The following ATP2B2 variants were observed in gnomAD, a reference collection of about 807,000 sequenced individuals.
ATP2B2 encodes the protein plasma membrane calcium-transporting ATPase 2.
ATP2B2 carries 15 observed loss-of-function variants against 120.0 expected under a neutral mutation model. The observed-to-expected ratio is 0.12, with a 90% CI of 0.08 to 0.19. ATP2B2 has a LOEUF of 0.19. Among genes scored for constraint, ATP2B2 ranks in the 10% least tolerant of loss-of-function variants. The pLI is 1.00. For missense variants in ATP2B2, 1,045 were observed against 1,719.8 expected, an observed-to-expected ratio of 0.61 and a Z score of 6.94; for synonymous variants, 694 against 700.3, an observed-to-expected ratio of 0.99 and a Z score of 0.14.
At chr3:10,692,460 C>T (rs894093468) in intron 1 of ATP2B2, among the ~76,000 whole-genome samples, 3 of 152,166 alleles carry the variant, frequency 2.0e-5, no homozygotes, top group Non-Finnish European at 2.9e-5. Context: ...GGGGACACAT[C>T]GAGGTCACGA....
chr3:10,440,065 G>A (rs1040019542), intron 2 of ATP2B2, among the ~76,000 whole-genome samples: 6 of 122,288 alleles, frequency 4.9e-5, no homozygotes, highest in East Asian at 3.0e-4. Context: ...TCGTGCCACC[G>A]CACTCCAGCC....
At chr3:10,474,077 G>A (rs2065115115) in intron 1 of ATP2B2, among the ~76,000 whole-genome samples, 1 of 152,228 alleles carries the variant, frequency 6.6e-6, no homozygotes, top group Admixed American at 6.5e-5. Flanking sequence ...GGTAGGGACA[G>A]GTCTTGCCTG....
rs1463470395 is a variant in ATP2B2, at chr3:10,340,360, C to T, written c.3130-11G>A. ...CTGCACGATCACTATCTGGAGGTCA[C>T]AGGGGAGCAGAGAAAGAGAGAGAGA... On this transcript the variant is annotated splice_polypyrimidine_tract_variant and intron_variant, in intron 20 of 22. Coordinates refer to ENST00000360273, the MANE Select transcript of ATP2B2 (RefSeq NM_001001331.4). This position sits in a 1 kb window ranked among gnomAD's most constrained non-coding sequence, Gnocchi z 5.0. The T allele has an allele frequency of 6.2e-7, 1 of 1,613,822 alleles. No individual in the cohort carries two copies. The highest frequency in any genetic ancestry group is 2.2e-5 in the East Asian group (1 of 44,882).
At chr3:10,424,661 G>A (rs1269428695) in intron 2 of ATP2B2, among the ~76,000 whole-genome samples, 1 of 152,132 alleles carries the variant, frequency 6.6e-6, no homozygotes, top group Admixed American at 6.5e-5. Flanking sequence ...GAAAGCGAGT[G>A]GGCTAAATAA....
At chr3:10,497,893 T>G (rs919604699) in intron 1 of ATP2B2, among the ~76,000 whole-genome samples, 9 of 152,190 alleles carry the variant, frequency 5.9e-5, no homozygotes, top group Non-Finnish European at 1.0e-4. Flanking sequence ...AAGGACCCAG[T>G]GAGGGACTCA....
At chr3:10,338,524 G>GCCTTTTTTTTTTTTTTTTTTTTT (rs1444514191) in intron 21 of ATP2B2, among the ~76,000 whole-genome samples, 166 bp from the exon 22 acceptor site, 5 of 119,490 alleles carry the variant, frequency 4.2e-5, no homozygotes, top group Admixed American at 8.8e-5. Context: ...CTTTGACAAT[G>GCCTTTTTTTTTTTTTTTTTTTTT]TCTTTTTTTT....
intron 1 of ATP2B2, among the ~76,000 whole-genome samples, chr3:10,468,030 A>T (rs73119419): frequency 0.11 from 16,225 of 152,168 alleles, 1,517 homozygotes; most frequent in African/African-American, 0.25. Context: ...TGTGCACATG[A>T]CCTCGACACT....
In ATP2B2 at chr3:10,378,256, C is replaced by T; in HGVS notation, c.1197G>A (p.Lys399=). Residue 399 remains lysine, a synonymous_variant, in exon 10 of 23, where the codon AAG becomes AAA. Coordinates refer to ENST00000360273, the MANE Select transcript of ATP2B2 (RefSeq NM_001001331.4). ...CCTCCCACCTGCTGCACTCACCCGC[C>T]TTCCCGATCTGCACAGCCAGCTTGG... ...KLTKLAVQIG[K]AGLVMSAITV... is the part of the protein sequence containing the mutation. The T allele has an allele frequency of 6.2e-7, 1 of 1,606,882 alleles. No homozygotes were observed. The highest frequency in any genetic ancestry group is 1.1e-5 in the South Asian group (1 of 91,050).
intron 1 of ATP2B2, among the ~76,000 whole-genome samples, chr3:10,488,463 A>ATTCATTCCTTCC (rs1398194870): frequency 0.014 from 1,346 of 95,676 alleles, 27 homozygotes; most frequent in Middle Eastern, 0.06. Context: ...CACCCTACAA[A>ATTCATTCCTTCC]TTCCTTCCTT....
intron 2 of ATP2B2, among the ~76,000 whole-genome samples, chr3:10,605,635 T>C (rs2069041877): frequency 7.4e-6 from 1 of 135,912 alleles, no homozygotes; most frequent in African/African-American, 2.8e-5. Context: ...GCCAACACAC[T>C]GGGACCCTAT....
At chr3:10,389,619 G>C (rs2061786890) in intron 5 of ATP2B2, among the ~76,000 whole-genome samples, 1 of 152,192 alleles carries the variant, frequency 6.6e-6, no homozygotes, top group Non-Finnish European at 1.5e-5. Flanking sequence ...ATGAAAGTTA[G>C]TGTTTAATGG....
chr3:10,669,769 C>T (rs2071045503), intron 1 of ATP2B2, among the ~76,000 whole-genome samples: 1 of 152,156 alleles, frequency 6.6e-6, no homozygotes, highest in Non-Finnish European at 1.5e-5. Context: ...TTGTCACCCC[C>T]ACCCCCCAGA....
At chr3:10,458,847 T>C (rs971203527) in intron 1 of ATP2B2, among the ~76,000 whole-genome samples, 1 of 152,244 alleles carries the variant, frequency 6.6e-6, no homozygotes, top group African/African-American at 2.4e-5. Context: ...GTCTTCTCTG[T>C]CCAAAGCCTC....
At chr3:10,676,271 C>T (rs2071240829) in intron 1 of ATP2B2, among the ~76,000 whole-genome samples, 1 of 152,166 alleles carries the variant, frequency 6.6e-6, no homozygotes, top group South Asian at 2.1e-4. Flanking sequence ...TTGCCTTGGA[C>T]CTCAGCTGGA....
intron 1 of ATP2B2, among the ~76,000 whole-genome samples, chr3:10,650,216 C>A (rs111516179): frequency 6.6e-6 from 1 of 152,168 alleles, no homozygotes; most frequent in Non-Finnish European, 1.5e-5. Flanking sequence ...ACAATAACGT[C>A]CAGACTGAGG....
At chr3:10,348,302 C>A (rs2060483526) in intron 16 of ATP2B2, among the ~76,000 whole-genome samples, 1 of 152,132 alleles carries the variant, frequency 6.6e-6, no homozygotes, top group Non-Finnish European at 1.5e-5. Flanking sequence ...TGAGGTGTCA[C>A]CACTGTGGGC....
At chr3:10,536,315 T>C (rs946608766) in intron 2 of ATP2B2, among the ~76,000 whole-genome samples, 1 of 151,140 alleles carries the variant, frequency 6.6e-6, no homozygotes, top group East Asian at 2.0e-4. Flanking sequence ...GCTTAGCTTT[T>C]TATCCTTGTC....
chr3:10,507,516 G>A (rs993009295), upstream of ATP2B2, among the ~76,000 whole-genome samples: 2 of 152,156 alleles, frequency 1.3e-5, no homozygotes, highest in African/African-American at 4.8e-5. Flanking sequence ...GAGCGAGGGT[G>A]GGCAAAGACG....
In ATP2B2 at chr3:10,695,879, T is replaced by C. The variant is rs577389870; in HGVS notation, c.-460+12036A>G. 9.8e-5 allele frequency among the ~76,000 whole-genome samples: 15 copies of C among 152,320 alleles called. No individual in the cohort carries two copies. The East Asian group carries it at 2.3e-3, about 24-fold the overall frequency. On this transcript the variant is annotated intron_variant, in intron 1 of 21. Transcript: ENST00000646379. ...CAATCTTCAGCTAGACAAAGCTCCC[T>C]GAACATGGTGACATTCCCACAAGAC... is the stretch of plus-strand genomic sequence containing the variant.
Sources: allele counts gnomAD v4.1 joint callset (sites outside exome capture counted in the v4.1 genomes callset), GRCh38; gene constraint gnomAD v4.1.1; non-coding constraint Gnocchi (gnomAD v3.1); transcripts MANE v1.5; gene names NCBI Gene and HGNC (gene_info 2026-07-23, HGNC 2026-07-21).